Variants in AUTS2 observed in about 807,000 individuals in gnomAD.
AUTS2 encodes autism susceptibility gene 2 protein.
AUTS2 carries 17 observed loss-of-function variants against 112.4 expected under a neutral mutation model. The ratio of observed to expected loss-of-function variants is 0.15; its 90% confidence interval spans 0.10 to 0.23. AUTS2 has a LOEUF of 0.23. AUTS2 is among the 10% of genes least tolerant of loss of function. AUTS2 has a pLI of 1.00. For missense variants in AUTS2, 1,510 were observed against 1,701.6 expected, an observed-to-expected ratio of 0.89 and a Z score of 1.98; for synonymous variants, 751 against 702.7, an observed-to-expected ratio of 1.07 and a Z score of -1.09.
chr7:70,747,270 G>A (rs1788510677), intron 6 of AUTS2, among the ~76,000 whole-genome samples: 1 of 152,202 alleles, frequency 6.6e-6, no homozygotes, highest in African/African-American at 2.4e-5. Context: ...ATGCATTTCC[G>A]AAGCATCAAC....
At chr7:70,486,442 T>G (rs2116315317) in intron 5 of AUTS2, among the ~76,000 whole-genome samples, 1 of 152,328 alleles carries the variant, frequency 6.6e-6, no homozygotes, top group South Asian at 2.1e-4. Flanking sequence ...TTAATAAATG[T>G]TAGTTGTTGT....
At chr7:69,895,711 A>G (rs1402074704) in intron 1 of AUTS2, among the ~76,000 whole-genome samples, 2 of 152,254 alleles carry the variant, frequency 1.3e-5, no homozygotes, top group African/African-American at 2.4e-5. Context: ...AATATGCTAC[A>G]TGAAAATAAA....
intron 3 of AUTS2, among the ~76,000 whole-genome samples, chr7:70,125,244 GAT>G (rs1491428700): frequency 4.1e-5 from 5 of 123,114 alleles, no homozygotes; most frequent in African/African-American, 9.7e-5. Context: ...GTTATTTGGA[GAT>G]GTGTGTGTGT....
intron 1 of AUTS2, among the ~76,000 whole-genome samples, chr7:69,720,347 T>G (rs1384156902): frequency 2.0e-5 from 3 of 152,182 alleles, no homozygotes; most frequent in Non-Finnish European, 4.4e-5. Context: ...AAATATAATA[T>G]TCTCAAGATT....
chr7:70,613,259 G>A (rs1025823526), intron 5 of AUTS2, among the ~76,000 whole-genome samples: 2 of 151,800 alleles, frequency 1.3e-5, no homozygotes, highest in African/African-American at 4.8e-5. Context: ...GTGTGTGTGT[G>A]TGTGTGTGTA....
Position 70,764,807 on chromosome 7 carries a change from C to A in AUTS2, c.1270C>A (p.His424Asn). 1.0e-6 allele frequency: 1 copy of A among 963,156 alleles called. No homozygotes were observed. Among genetic ancestry groups the A allele is most frequent in the East Asian group, 2.6e-5 (1 of 38,206 alleles). 59.7% of individuals were successfully genotyped at this position (963,156 alleles called of 1,614,324 possible). Reference sequence around the variant, plus strand: ...TCAGCCCGCCCCACCTCACATCTCCCACCACCCCTCTGCCTCCCCGTTCCC... The same window carrying A: ...TCAGCCCGCCCCACCTCACATCTCCAACCACCCCTCTGCCTCCCCGTTCCC... ...KTQPAPPHIS[H>N]HPSASPFPLS... The change falls in exon 8 of 19, where the codon CAC (histidine) becomes AAC (asparagine). Residue 424 changes from histidine to asparagine, a missense_variant. Transcript: ENST00000342771.
intron 2 of AUTS2, among the ~76,000 whole-genome samples, chr7:70,064,568 C>T (rs751938659): frequency 2.6e-5 from 4 of 152,172 alleles, no homozygotes; most frequent in East Asian, 1.9e-4. Context: ...GTTTTCTTCA[C>T]ACAAATGCCC....
rs1794187481 is a variant in AUTS2, at chr7:69,630,665, CCTT to C, written c.309+30707_309+30709del. Among the ~76,000 whole-genome samples the C allele has an allele frequency of 4.6e-5, 7 of 152,288 alleles. No individual in the cohort carries two copies. The Middle Eastern group carries it at 0.024, about 518-fold the overall frequency. On this transcript the variant is annotated intron_variant, in intron 1 of 18. Coordinates refer to ENST00000342771, the MANE Select transcript of AUTS2 (RefSeq NM_015570.4). ...TTGTTCAAGATGTGGAAGTGTATAT[CCTT>C]CTTTAGCAACATATTAGGATAAAAA... is the stretch of plus-strand genomic sequence containing the variant.
chr7:70,348,918 T>C (rs1791626474), intron 4 of AUTS2, among the ~76,000 whole-genome samples: 1 of 152,244 alleles, frequency 6.6e-6, no homozygotes, highest in African/African-American at 2.4e-5. Context: ...ATGTGCTCTA[T>C]AGTTGTCATG....
intron 2 of AUTS2, among the ~76,000 whole-genome samples, chr7:69,957,843 G>T (rs1223983035): frequency 6.6e-6 from 1 of 151,372 alleles, no homozygotes; most frequent in East Asian, 1.9e-4. Context: ...GTTATAAAAA[G>T]TCTCCCCTTT....
rs544941695 is a variant in AUTS2 at position 70,317,649 on chromosome 7, A to G, written c.661-118103A>G. Among the ~76,000 whole-genome samples, 5 of 152,310 alleles carry G rather than the reference A, an allele frequency of 3.3e-5. No homozygotes were observed. In the East Asian group the frequency reaches 9.6e-4, roughly 29 times the overall value. On this transcript the variant is annotated intron_variant, in intron 4 of 18. Transcript: ENST00000342771. ...GTTTATCAACTGCTTTCCAACCCTG[A>G]CAAGCATGAGTGGGCACAAGCATGG...
chr7:70,441,944 G>T (rs1051967016), intron 5 of AUTS2, among the ~76,000 whole-genome samples: 2 of 152,166 alleles, frequency 1.3e-5, no homozygotes, highest in Non-Finnish European at 2.9e-5. Flanking sequence ...ACTCGGTAAG[G>T]TTTGTGCACC....
intron 4 of AUTS2, among the ~76,000 whole-genome samples, chr7:70,330,601 C>T (rs569882310): frequency 1.1e-4 from 17 of 152,202 alleles, no homozygotes; most frequent in Non-Finnish European, 2.2e-4. Flanking sequence ...ACTATTTTGG[C>T]GATTGAGGGT....
At chr7:70,328,830 T>C (rs1177459056) in intron 4 of AUTS2, among the ~76,000 whole-genome samples, 1 of 152,198 alleles carries the variant, frequency 6.6e-6, no homozygotes, top group Non-Finnish European at 1.5e-5. Context: ...AAGTGAACAG[T>C]TCAGTAGGAT....
chr7:70,325,543 G>A (rs1562881178), intron 4 of AUTS2, among the ~76,000 whole-genome samples: 2 of 152,058 alleles, frequency 1.3e-5, no homozygotes, highest in African/African-American at 4.8e-5. Flanking sequence ...ATGACAAAAA[G>A]TGAAGCTGAA....
intron 17 of AUTS2, 67 bp downstream of exon 17, chr7:70,786,105 A>C: frequency 4.3e-6 from 6 of 1,380,480 alleles, no homozygotes; most frequent in Non-Finnish European, 6.2e-6. Flanking sequence ...CATATGGCTC[A>C]AGACCTTTCT....
intron 4 of AUTS2, among the ~76,000 whole-genome samples, chr7:70,238,295 A>C (rs530139967): frequency 1.3e-5 from 2 of 152,214 alleles, no homozygotes; most frequent in Non-Finnish European, 2.9e-5. Context: ...ATTGTGTTTC[A>C]TTATGTCTCC....
intron 3 of AUTS2, chr7:70,119,257 G>C (rs961076542): frequency 2.6e-5 from 4 of 152,012 alleles, no homozygotes; most frequent in Admixed American, 6.6e-5. Flanking sequence ...CAAAGTGCTG[G>C]GATTGTAGGT....
rs1276453423 is a variant in AUTS2 at position 69,984,379 on chromosome 7, C to T, written c.522+84881C>T. On this transcript the variant is annotated intron_variant, in intron 2 of 18. Coordinates refer to ENST00000342771, the MANE Select transcript of AUTS2 (RefSeq NM_015570.4). ...CCAAGATCACGCCACTGCACTCCAG[C>T]CTGGGCGACAGAGTGAGACTCTGTC... Among the ~76,000 whole-genome samples, 4 of 145,626 alleles carry T rather than the reference C, an allele frequency of 2.7e-5. 1 individual carries two copies. Among genetic ancestry groups the T allele is most frequent in the Non-Finnish European group, 4.5e-5 (3 of 67,184 alleles).
Sources: allele counts gnomAD v4.1 joint callset (sites outside exome capture counted in the v4.1 genomes callset), GRCh38; gene constraint gnomAD v4.1.1; transcripts MANE v1.5; gene names NCBI Gene and HGNC (gene_info 2026-07-23, HGNC 2026-07-21).